The following MTA3 variants were observed in gnomAD, a reference collection of about 807,000 sequenced individuals.
MTA3 encodes the protein metastasis-associated protein MTA3.
A neutral mutation model predicts 83.5 loss-of-function variants in MTA3; 34 were observed. The observed-to-expected ratio is 0.41, with a 90% CI of 0.31 to 0.54. MTA3 has a LOEUF of 0.54. Ranked by LOEUF, MTA3 falls within the 20% of genes least tolerant of loss-of-function variation. The pLI is 0.33. For synonymous variants in MTA3, 303 were observed against 252.7 expected (o/e 1.20, Z -1.89); for missense variants, 761 against 726.4 (o/e 1.05, Z -0.55).
At chr2:42,584,488 C>T (rs1216189204) in intron 3 of MTA3, among the ~76,000 whole-genome samples, 1 of 151,858 alleles carries the variant, frequency 6.6e-6, no homozygotes, top group African/African-American at 2.4e-5. Flanking sequence ...ATATATAATG[C>T]AAATATACAT....
At chr2:42,552,512 CTT>C (rs1677161940) in intron 2 of MTA3, among the ~76,000 whole-genome samples, 1 of 151,706 alleles carries the variant, frequency 6.6e-6, no homozygotes, top group African/African-American at 2.4e-5. Flanking sequence ...AATCCCAACA[CTT>C]TGGGAAGTGA....
intron 16 of MTA3, among the ~76,000 whole-genome samples, chr2:42,745,803 A>G (rs1168468799): frequency 9.1e-6 from 1 of 109,496 alleles, no homozygotes; most frequent in Non-Finnish European, 1.9e-5. Context: ...TAGGATTTTT[A>G]TGTCCTTTTG....
chr2:42,697,945 C>A, intron 11 of MTA3, 111 bp downstream of exon 11: 1 of 687,428 alleles, frequency 1.5e-6, no homozygotes, highest in Non-Finnish European at 2.4e-6. Flanking sequence ...TATCTTTCTT[C>A]TTCTACAAAG....
intron 2 of MTA3, among the ~76,000 whole-genome samples, chr2:42,559,796 A>C (rs940127973): frequency 7.9e-6 from 1 of 127,166 alleles, no homozygotes; most frequent in African/African-American, 3.0e-5. Flanking sequence ...GAATCACTTG[A>C]ACCCGGGGCG....
chr2:42,700,096 A>G (rs1573671157), intron 11 of MTA3, among the ~76,000 whole-genome samples: 1 of 152,118 alleles, frequency 6.6e-6, no homozygotes. Context: ...ATTTAATAAC[A>G]TGGAGATCAT....
intron 2 of MTA3, among the ~76,000 whole-genome samples, chr2:42,562,187 C>T (rs56019403): frequency 0.07 from 10,712 of 152,174 alleles, 507 homozygotes; most frequent in Middle Eastern, 0.14. Flanking sequence ...TAGGGTCCAT[C>T]CTAATCTCAG....
chr2:42,594,268 AAGAC>A (rs1681414343), intron 3 of MTA3, among the ~76,000 whole-genome samples: 3 of 137,440 alleles, frequency 2.2e-5, no homozygotes, highest in South Asian at 4.7e-4. Flanking sequence ...TTTTTTTTAA[AAGAC>A]AGTCCCTAGG....
At chr2:42,566,082 T>C (rs572676845), upstream of MTA3, among the ~76,000 whole-genome samples, 5 of 152,274 alleles carry the variant, frequency 3.3e-5, no homozygotes, top group South Asian at 2.1e-4. Flanking sequence ...GTAACCCCTC[T>C]TGAGGCTCAG....
intron 14 of MTA3, among the ~76,000 whole-genome samples, chr2:42,711,025 G>A (rs1666561498): frequency 6.6e-6 from 1 of 152,136 alleles, no homozygotes; most frequent in African/African-American, 2.4e-5. Context: ...GTTGCAGTGA[G>A]CTGAGATCAT....
intron 2 of MTA3, among the ~76,000 whole-genome samples, chr2:42,560,310 A>T (rs1558436115): frequency 6.7e-6 from 1 of 148,758 alleles, no homozygotes; most frequent in Non-Finnish European, 1.5e-5. Context: ...TGCCCGGCTG[A>T]TTTTTTTTTT....
intron 2 of MTA3, among the ~76,000 whole-genome samples, chr2:42,516,209 C>T (rs949040657): frequency 1.1e-4 from 17 of 152,146 alleles, no homozygotes; most frequent in East Asian, 5.8e-4. Flanking sequence ...GCCACCGCTC[C>T]TGGCGCAGTG....
At chr2:42,636,152 A>G (rs561434688) in intron 4 of MTA3, among the ~76,000 whole-genome samples, 118 of 152,284 alleles carry the variant, frequency 7.7e-4, no homozygotes, top group African/African-American at 2.7e-3. Flanking sequence ...TCCTGGACCC[A>G]TCCCAAGACA....
intron 2 of MTA3, among the ~76,000 whole-genome samples, chr2:42,531,016 G>A (rs1369315447): frequency 6.6e-6 from 1 of 152,134 alleles, no homozygotes; most frequent in Admixed American, 6.6e-5. Context: ...TTTTAGTAGA[G>A]ATGGCGTCTC....
At chr2:42,639,497 CAG>C (rs987534731) in intron 4 of MTA3, among the ~76,000 whole-genome samples, 4 of 152,124 alleles carry the variant, frequency 2.6e-5, no homozygotes, top group African/African-American at 7.2e-5. Context: ...CAGTTTTTCT[CAG>C]AGTCTAGACA....
At chr2:42,574,293 C>T (rs1158328350) in intron 2 of MTA3, among the ~76,000 whole-genome samples, 1 of 151,260 alleles carries the variant, frequency 6.6e-6, no homozygotes, top group Non-Finnish European at 1.5e-5. Context: ...CACCACCATG[C>T]CCGGCTAATT....
chr2:42,738,518 C>T (rs141923862), intron 16 of MTA3, among the ~76,000 whole-genome samples: 2,136 of 152,250 alleles, frequency 0.014, 51 homozygotes, highest in African/African-American at 0.048. Flanking sequence ...TATGTTGCCT[C>T]AGGACTATGT....
At chr2:42,552,461 A>G (rs1191111278) in intron 2 of MTA3, among the ~76,000 whole-genome samples, 2 of 152,144 alleles carry the variant, frequency 1.3e-5, no homozygotes, top group African/African-American at 4.8e-5. Context: ...TTTTAAAACT[A>G]GACTCCTAGC....
At chr2:42,740,829 G>A (rs1024746940) in intron 16 of MTA3, among the ~76,000 whole-genome samples, 20 of 152,248 alleles carry the variant, frequency 1.3e-4, no homozygotes, top group African/African-American at 4.6e-4. Context: ...TAAGGGCTGT[G>A]TGGCTTTTTG....
At chr2:42,605,599 A>G (rs372941200) in intron 3 of MTA3, among the ~76,000 whole-genome samples, 515 of 2,762 alleles carry the variant, frequency 0.19, 71 homozygotes, top group South Asian at 0.43. Flanking sequence ...GGACGGGGCG[A>G]CTGGCCGGGC....
Sources: allele counts gnomAD v4.1 joint callset (sites outside exome capture counted in the v4.1 genomes callset), GRCh38; gene constraint gnomAD v4.1.1; transcripts MANE v1.5; gene names NCBI Gene and HGNC (gene_info 2026-07-23, HGNC 2026-07-21).